ARHGEF28: variants seen among roughly 807,000 people sequenced by gnomAD.
ARHGEF28 encodes the protein 190 kDa guanine nucleotide exchange factor.
In ARHGEF28, 152 loss-of-function variants were observed where a neutral mutation model predicts 206.6. The observed-to-expected ratio is 0.74, with a 90% CI of 0.64 to 0.84. The LOEUF is 0.84. Ranked by LOEUF, ARHGEF28 falls within the 40% of genes least tolerant of loss-of-function variation. The pLI is 0.00. For missense variants in ARHGEF28, 2,028 were observed against 2,073.2 expected (o/e 0.98, Z 0.42); for synonymous variants, 763 against 776.4 (o/e 0.98, Z 0.29).
chr5:73,653,002 A>T (rs963164642), intron 1 of ARHGEF28, among the ~76,000 whole-genome samples: 2 of 152,214 alleles, frequency 1.3e-5, no homozygotes, highest in African/African-American at 4.8e-5. Context: ...GTTAATGTGT[A>T]TCAGGTACTT....
rs374560562 is a variant in ARHGEF28, at chr5:73,883,759, T to G, written c.2938-8T>G. Reference sequence around the variant, plus strand: ...AATTTGTGTACATAAAAGTATATATTTTTTAAGCTCCGAAATAGTAATCTT... The same window carrying G: ...AATTTGTGTACATAAAAGTATATATGTTTTAAGCTCCGAAATAGTAATCTT... On this transcript the variant is annotated splice_polypyrimidine_tract_variant and splice_region_variant and intron_variant, in intron 23 of 35. Coordinates refer to ENST00000513042, the MANE Select transcript of ARHGEF28 (RefSeq NM_001177693.2). The G allele has an allele frequency of 3.9e-6, 6 of 1,525,668 alleles. No individual in the cohort carries two copies. The highest frequency in any genetic ancestry group is 1.4e-5 in the African/African-American group (1 of 71,878). The allele number at this position is 1,525,668 out of a possible 1,614,324, so 94.5% of individuals were successfully genotyped here.
At chr5:73,673,026 T>G (rs1156622035) in intron 1 of ARHGEF28, among the ~76,000 whole-genome samples, 1 of 152,220 alleles carries the variant, frequency 6.6e-6, no homozygotes, top group Non-Finnish European at 1.5e-5. Context: ...ATCTCCCCAC[T>G]GAGTTTACCA....
chr5:73,863,523 C>A (rs556995475), intron 16 of ARHGEF28, among the ~76,000 whole-genome samples: 4 of 151,964 alleles, frequency 2.6e-5, no homozygotes, highest in Non-Finnish European at 5.9e-5. Flanking sequence ...TCCTTCCTTG[C>A]GGTCCTTGCC....
chr5:73,891,994 C>T lies in ARHGEF28; in HGVS notation c.3388-58C>T, dbSNP rs1042421592. The stretch of plus-strand genomic sequence containing the variant: ...CTTGCTTCCTTTAGCTCATGTTTTA[C>T]GGAGCCTTACTTTAGCTAGGATGCT... On this transcript the variant is annotated intron_variant, in intron 26 of 35. Coordinates refer to ENST00000513042, the MANE Select transcript of ARHGEF28 (RefSeq NM_001177693.2). 7.9e-5 allele frequency: 117 copies of T among 1,486,628 alleles called. No homozygotes were observed. The Middle Eastern group carries it at 1.1e-3, about 14-fold the overall frequency. The allele number at this position is 1,486,628 out of a possible 1,614,324, so 92.1% of individuals were successfully genotyped here. A position where few individuals can be genotyped will look rare whatever the true frequency, so the allele number is the denominator to read the frequency against.
intron 9 of ARHGEF28, among the ~76,000 whole-genome samples, chr5:73,821,849 GA>G (rs779832080): frequency 1.1e-4 from 16 of 151,922 alleles, no homozygotes; most frequent in Non-Finnish European, 2.1e-4. Flanking sequence ...AGCAAGGGAA[GA>G]AAAAAAGTTA....
chr5:73,657,708 C>A (rs561241418), intron 1 of ARHGEF28, among the ~76,000 whole-genome samples: 2 of 152,320 alleles, frequency 1.3e-5, no homozygotes, highest in African/African-American at 4.8e-5. Flanking sequence ...CCAGGGAACC[C>A]TTCTTTCCTC....
At chr5:73,818,136 G>A (rs1410662175) in intron 9 of ARHGEF28, among the ~76,000 whole-genome samples, 1 of 152,082 alleles carries the variant, frequency 6.6e-6, no homozygotes, top group South Asian at 2.1e-4. Flanking sequence ...CTGTGGCCTG[G>A]AAAGTTTACA....
intron 2 of ARHGEF28, among the ~76,000 whole-genome samples, chr5:73,744,513 A>G (rs1241438809): frequency 6.6e-6 from 1 of 151,540 alleles, no homozygotes; most frequent in Non-Finnish European, 1.5e-5. Flanking sequence ...AGTTCAGTAC[A>G]CTTGTTCTAC....
chr5:73,798,193 C>T (rs1754933773), intron 9 of ARHGEF28, among the ~76,000 whole-genome samples: 1 of 152,020 alleles, frequency 6.6e-6, no homozygotes, highest in Non-Finnish European at 1.5e-5. Flanking sequence ...AATGGAGTAT[C>T]CATCCCTTCA....
At chr5:73,773,417 G>A (rs1753343570) in intron 4 of ARHGEF28, among the ~76,000 whole-genome samples, 1 of 152,148 alleles carries the variant, frequency 6.6e-6, no homozygotes, top group Non-Finnish European at 1.5e-5. Context: ...GAGGACAAAG[G>A]GTGGAAACGG....
chr5:73,730,484 T>G (rs73762184), intron 2 of ARHGEF28, among the ~76,000 whole-genome samples: 3,678 of 151,308 alleles, frequency 0.024, 143 homozygotes, highest in African/African-American at 0.085. Flanking sequence ...GACTTGATCA[T>G]GTATGCAACC....
chr5:73,816,494 C>G (rs1756218679), intron 9 of ARHGEF28, among the ~76,000 whole-genome samples: 1 of 152,120 alleles, frequency 6.6e-6, no homozygotes, highest in Non-Finnish European at 1.5e-5. Context: ...GCAAACCTCT[C>G]TTGAGTTAGG....
chr5:73,912,045 G>A (rs1005912167), intron 35 of ARHGEF28, among the ~76,000 whole-genome samples: 2 of 150,690 alleles, frequency 1.3e-5, no homozygotes, highest in African/African-American at 2.4e-5. Flanking sequence ...CACCCAAAAT[G>A]AAACTGTTAA....
At chr5:73,929,932 T>C (rs192537932) in intron 35 of ARHGEF28, among the ~76,000 whole-genome samples, 10 of 152,292 alleles carry the variant, frequency 6.6e-5, no homozygotes, top group Admixed American at 4.6e-4. Flanking sequence ...CAACTTGGTT[T>C]TTTTCATATT....
intron 9 of ARHGEF28, among the ~76,000 whole-genome samples, chr5:73,812,092 A>C (rs1755873628): frequency 6.6e-6 from 1 of 151,366 alleles, no homozygotes; most frequent in Non-Finnish European, 1.5e-5. Flanking sequence ...TTGTATGTTT[A>C]TGTGACAAAC....
At chr5:73,637,280 T>C (rs1225782461) in intron 1 of ARHGEF28, among the ~76,000 whole-genome samples, 1 of 152,094 alleles carries the variant, frequency 6.6e-6, no homozygotes, top group African/African-American at 2.4e-5. Flanking sequence ...ATCCCCTCTC[T>C]CCCTTCCCCT....
At chr5:73,779,089 G>A (rs960435730) in intron 6 of ARHGEF28, among the ~76,000 whole-genome samples, 1 of 152,140 alleles carries the variant, frequency 6.6e-6, no homozygotes, top group African/African-American at 2.4e-5. Context: ...AGCTCTCCAG[G>A]TGAACCCAGT....
At position 73,649,669 on chromosome 5, in the gene ARHGEF28, T is replaced by A. The variant is rs557777425; in HGVS notation, c.-12+23347T>A. Reference sequence around the variant, plus strand: ...ATACTGTTTTACCCTTATTTGTTATTTCTGTTGTATGTTGCCACTTGTTAC... The same window carrying A: ...ATACTGTTTTACCCTTATTTGTTATATCTGTTGTATGTTGCCACTTGTTAC... On this transcript the variant is annotated intron_variant, in intron 1 of 35. Coordinates refer to ENST00000513042, the MANE Select transcript of ARHGEF28 (RefSeq NM_001177693.2). Among the ~76,000 whole-genome samples the A allele has an allele frequency of 2.6e-5, 4 of 152,366 alleles. No homozygotes were observed. In the East Asian group the frequency reaches 5.8e-4, roughly 22 times the overall value.
chr5:73,786,704 C>T (rs542095725), intron 7 of ARHGEF28, among the ~76,000 whole-genome samples: 68 of 152,176 alleles, frequency 4.5e-4, no homozygotes, highest in Non-Finnish European at 6.6e-4. Flanking sequence ...GTGGAGGTGG[C>T]GGTGTCATTT....
Sources: allele counts gnomAD v4.1 joint callset (sites outside exome capture counted in the v4.1 genomes callset), GRCh38; gene constraint gnomAD v4.1.1; transcripts MANE v1.5; gene names NCBI Gene and HGNC (gene_info 2026-07-23, HGNC 2026-07-21).